CPNE5: variants seen among roughly 807,000 people sequenced by gnomAD.
The protein encoded by CPNE5 is copine-5.
A neutral mutation model predicts 81.1 loss-of-function variants in CPNE5; 42 were observed. The ratio of observed to expected loss-of-function variants is 0.52; its 90% CI spans 0.40 to 0.67. The LOEUF is 0.67. CPNE5 is among the 30% of genes least tolerant of loss of function. CPNE5 has a pLI of 0.00. For missense variants in CPNE5, 612 were observed against 815.5 expected, an observed-to-expected ratio of 0.75 and a Z score of 3.04; for synonymous variants, 313 against 321.5, an observed-to-expected ratio of 0.97 and a Z score of 0.28.
chr6:36,835,291 C>A (rs72846035), intron 1 of CPNE5, among the ~76,000 whole-genome samples: 2,204 of 152,284 alleles, frequency 0.014, 38 homozygotes, highest in Non-Finnish European at 0.02. Context: ...AATAGTGGCG[C>A]CTTTGGAGAA....
chr6:36,831,569 G>A (rs1772992522), intron 1 of CPNE5, among the ~76,000 whole-genome samples: 1 of 149,460 alleles, frequency 6.7e-6, no homozygotes, highest in Non-Finnish European at 1.5e-5. Context: ...GGCCAGGGAG[G>A]TGGAGGCTGC....
At chr6:36,768,225 C>CTTTTTTTCTTTTTCTTTTTTTTTTTT (rs527797208) in intron 10 of CPNE5, among the ~76,000 whole-genome samples, 1 of 60,496 alleles carries the variant, frequency 1.7e-5, no homozygotes, top group Non-Finnish European at 3.0e-5. Context: ...ATTCACAGTT[C>CTTTTTTTCTTTTTCTTTTTTTTTTTT]TTTTTTTTTT....
chr6:36,762,282 G>A (rs1353756117), intron 12 of CPNE5, among the ~76,000 whole-genome samples: 24 of 143,398 alleles, frequency 1.7e-4, no homozygotes, highest in African/African-American at 5.6e-4. Flanking sequence ...ACACACACAC[G>A]CACGCGCACA....
At chr6:36,769,743 G>C (rs1390316705) in intron 10 of CPNE5, among the ~76,000 whole-genome samples, 2 of 152,204 alleles carry the variant, frequency 1.3e-5, no homozygotes, top group Non-Finnish European at 2.9e-5. Flanking sequence ...CTGAGCCTCA[G>C]CTTCTGCATG....
chr6:36,804,913 T>C (rs1025656977), intron 3 of CPNE5, among the ~76,000 whole-genome samples: 7 of 152,088 alleles, frequency 4.6e-5, no homozygotes, highest in Non-Finnish European at 1.0e-4. Context: ...GACTCAGAGG[T>C]AGTTAAGACG....
intron 10 of CPNE5, among the ~76,000 whole-genome samples, chr6:36,771,126 A>C (rs1044726775): frequency 3.9e-5 from 6 of 152,100 alleles, no homozygotes; most frequent in African/African-American, 1.4e-4. Context: ...GAAGGACGTT[A>C]ATGCTTTGAG....
chr6:36,804,557 C>T (rs1414859731), intron 3 of CPNE5, among the ~76,000 whole-genome samples: 1 of 152,178 alleles, frequency 6.6e-6, no homozygotes, highest in Non-Finnish European at 1.5e-5. Flanking sequence ...TCTCACTACA[C>T]TTGCCCTCCT....
intron 13 of CPNE5, chr6:36,754,415 T>C (rs35857403): frequency 6.6e-6 from 1 of 152,222 alleles, no homozygotes; most frequent in Non-Finnish European, 1.5e-5. Context: ...ATCACCTCGA[T>C]GCCAGGTAGA....
Position 36,834,101 on chromosome 6 carries a change from A to T in CPNE5, c.95+5182T>A, listed in dbSNP as rs576701731. Among the ~76,000 whole-genome samples, 308 of 151,502 alleles carry T rather than the reference A, an allele frequency of 2.0e-3. 1 individual carries two copies. The highest frequency in any genetic ancestry group is 6.5e-3 in the African/African-American group (269 of 41,228). On this transcript the variant is annotated intron_variant, in intron 1 of 20. Transcript: ENST00000244751. The stretch of plus-strand genomic sequence containing the variant: ...AACAAAAAAAAATCAAAAAAAATTT[A>T]AAAATTAGCTAGATGTGGTGGTGTG...
At chr6:36,783,669 C>A (rs1168431946) in intron 8 of CPNE5, among the ~76,000 whole-genome samples, 1 of 152,052 alleles carries the variant, frequency 6.6e-6, no homozygotes, top group Admixed American at 6.6e-5. Flanking sequence ...ATGCCCCATG[C>A]CCAGCTAGAT....
At chr6:36,778,419 G>A (rs921300253) in intron 9 of CPNE5, among the ~76,000 whole-genome samples, 6 of 152,308 alleles carry the variant, frequency 3.9e-5, no homozygotes, top group East Asian at 1.9e-4. Context: ...GGGCAGTAGC[G>A]GGGGGCCAGA....
rs532513286 is a variant in CPNE5, at chr6:36,743,334, G to C, written c.1563+355C>G. ...CGAGCAATGCCTATTCTTGGAGAAG[G>C]CTGCAGCAACACTAAAGACACTGCC... On this transcript the variant is annotated intron_variant, in intron 20 of 20. Transcript: ENST00000244751. 2.2e-5 allele frequency: 16 copies of C among 722,626 alleles called. No individual in the cohort carries two copies. The Admixed American group carries it at 5.6e-4, about 25-fold the overall frequency. 44.8% of individuals were successfully genotyped at this position (722,626 alleles called of 1,614,324 possible). A position where few individuals can be genotyped will look rare whatever the true frequency, so the allele number is the denominator to read the frequency against.
At chr6:36,813,130 CA>C (rs1240182609) in intron 3 of CPNE5, among the ~76,000 whole-genome samples, 9 of 152,210 alleles carry the variant, frequency 5.9e-5, no homozygotes, top group Non-Finnish European at 1.3e-4. Context: ...CACAAGACTG[CA>C]AATTATCTTC....
In CPNE5 at chr6:36,839,411, T is replaced by C; in HGVS notation, c.-34A>G. ...GCACCCCCCACCCCAAATTAGTCAATCCCTGCGCGATTCACGCCTCCTCCG... is the reference window on the plus strand; with the variant it reads ...GCACCCCCCACCCCAAATTAGTCAACCCCTGCGCGATTCACGCCTCCTCCG... On this transcript the variant is annotated 5_prime_UTR_variant, in exon 1 of 21. Coordinates refer to ENST00000244751, the MANE Select transcript of CPNE5 (RefSeq NM_020939.2). This position sits in a 1 kb window ranked among gnomAD's most constrained non-coding sequence, Gnocchi z 7.3. 1.3e-6 allele frequency: 2 copies of C among 1,509,190 alleles called. No individual in the cohort carries two copies. The highest frequency in any genetic ancestry group is 1.8e-6 in the Non-Finnish European group (2 of 1,116,996). 93.5% of individuals were successfully genotyped at this position (1,509,190 alleles called of 1,614,324 possible).
intron 20 of CPNE5, 86 bp from the exon 21 acceptor site, chr6:36,742,572 C>T (rs1204492886): frequency 4.2e-6 from 3 of 720,214 alleles, no homozygotes; most frequent in African/African-American, 1.8e-5. Flanking sequence ...GCATCCCCAC[C>T]CCCCTCCCAG....
At chr6:36,743,488 T>G (rs1326722988) in intron 20 of CPNE5, among the ~76,000 whole-genome samples, 1 of 152,114 alleles carries the variant, frequency 6.6e-6, no homozygotes, top group Non-Finnish European at 1.5e-5. Context: ...GTCCCAGATG[T>G]GACAGAGGGG....
At position 36,768,229 on chromosome 6, in the gene CPNE5, T is replaced by TTTTC. The variant is rs1209866609; in HGVS notation, c.738-2854_738-2853insGAAA. Among the ~76,000 whole-genome samples, 28 of 92,126 alleles carry TTTTC rather than the reference T, an allele frequency of 3.0e-4. 7 individuals carry two copies. The highest frequency in any genetic ancestry group is 1.3e-3 in the East Asian group (4 of 3,112). 60.4% of individuals were successfully genotyped at this position (92,126 alleles called of 152,430 possible). A position where few individuals can be genotyped will look rare whatever the true frequency, so the allele number is the denominator to read the frequency against. The stretch of plus-strand genomic sequence containing the variant: ...TTGACTACTCTATTCACAGTTCTTT[T>TTTTC]TTTTTTTTTTTTTTTTTTTTTTTGA... On this transcript the variant is annotated intron_variant, in intron 10 of 20. Transcript: ENST00000244751.
intron 3 of CPNE5, 72 bp from the exon 4 acceptor site, chr6:36,800,142 C>T: frequency 9.3e-7 from 1 of 1,070,378 alleles, no homozygotes; most frequent in South Asian, 1.4e-5. Context: ...GGGGAGAGCA[C>T]TGGGCTCAGA....
At chr6:36,812,796 C>T (rs1012334782) in intron 3 of CPNE5, among the ~76,000 whole-genome samples, 1 of 152,198 alleles carries the variant, frequency 6.6e-6, no homozygotes, top group Non-Finnish European at 1.5e-5. Flanking sequence ...ACCTAAGGCT[C>T]AGGAGGGACC....
Sources: gnomAD v4.1 joint callset for allele counts (sites outside exome capture counted in the v4.1 genomes callset) on GRCh38, gnomAD v4.1.1 for gene constraint, Gnocchi (gnomAD v3.1) non-coding constraint, MANE v1.5 for transcripts, NCBI Gene and HGNC (gene_info 2026-07-23, HGNC 2026-07-21) for gene names.